The following PPM1D variants were observed in gnomAD, a reference collection of about 807,000 sequenced individuals.
PPM1D encodes protein phosphatase, Mg2+/Mn2+ dependent 1D.
Under a neutral mutation model 58.3 loss-of-function variants are expected in PPM1D, and 52 were observed. The observed-to-expected ratio is 0.89, with a 90% CI of 0.71 to 1.12. The LOEUF is 1.12. PPM1D is among the 50% of genes most tolerant of loss of function. PPM1D has a pLI of 0.00. For missense variants in PPM1D, 564 were observed against 777.2 expected, an observed-to-expected ratio of 0.73 and a Z score of 3.26; for synonymous variants, 278 against 285.1, an observed-to-expected ratio of 0.98 and a Z score of 0.25.
intron 3 of PPM1D, among the ~76,000 whole-genome samples, chr17:60,641,090 C>A (rs1343022928): frequency 6.6e-6 from 1 of 152,012 alleles, no homozygotes; most frequent in African/African-American, 2.4e-5. Context: ...TTTTGTAGAG[C>A]GATTTATTTT....
chr17:60,665,002 A>G lies in PPM1D; in HGVS notation c.*1450A>G, dbSNP rs1598416279. ...TTTTTTTTTTTTTGAGATGGAGTCTAGCTCTGTCATCCAGGCTGGAGTGCA... is the reference window on the plus strand; with the variant it reads ...TTTTTTTTTTTTTGAGATGGAGTCTGGCTCTGTCATCCAGGCTGGAGTGCA... On this transcript the variant is annotated 3_prime_UTR_variant, in exon 6 of 6. Transcript: ENST00000305921. 1.5e-5 allele frequency: 2 copies of G among 133,636 alleles called. No homozygotes were observed. The highest frequency in any genetic ancestry group is 4.7e-4 in the South Asian group (2 of 4,270). The allele number at this position is 133,636 out of a possible 1,614,324, so 8.3% of individuals were successfully genotyped here. A position where few individuals can be genotyped will look rare whatever the true frequency, so the allele number is the denominator to read the frequency against.
At chr17:60,650,287 A>G (rs2031318981) in intron 4 of PPM1D, among the ~76,000 whole-genome samples, 1 of 152,226 alleles carries the variant, frequency 6.6e-6, no homozygotes, top group African/African-American at 2.4e-5. Flanking sequence ...GCAGTGGCTC[A>G]AGCCTGTAAT....
chr17:60,645,500 ATATATATATGTG>A (rs1423027566), intron 3 of PPM1D, among the ~76,000 whole-genome samples: 7 of 123,316 alleles, frequency 5.7e-5, no homozygotes, highest in East Asian at 2.4e-4. Flanking sequence ...GTGTATGTGT[ATATATATATGTG>A]TATATATATG....
chr17:60,644,346 G>A (rs975820852), intron 3 of PPM1D, among the ~76,000 whole-genome samples: 7 of 151,648 alleles, frequency 4.6e-5, no homozygotes, highest in East Asian at 3.9e-4. Flanking sequence ...GTGTTGCCCC[G>A]GCTGGTCTCG....
At chr17:60,632,369 T>C (rs899905156) in intron 2 of PPM1D, among the ~76,000 whole-genome samples, 2 of 152,096 alleles carry the variant, frequency 1.3e-5, no homozygotes, top group East Asian at 1.9e-4. Context: ...CCTAAATATA[T>C]AGTATTTTCT....
chr17:60,660,676 G>A (rs1244177548), intron 5 of PPM1D, among the ~76,000 whole-genome samples: 5 of 151,790 alleles, frequency 3.3e-5, no homozygotes, highest in African/African-American at 7.3e-5. Context: ...TGGGAGAATC[G>A]CTTGAACCCG....
At chr17:60,642,432 C>T (rs540059692) in intron 3 of PPM1D, among the ~76,000 whole-genome samples, 5 of 150,748 alleles carry the variant, frequency 3.3e-5, no homozygotes, top group South Asian at 4.2e-4. Flanking sequence ...TAGCCACCCC[C>T]GCCCACAGCA....
intron 3 of PPM1D, among the ~76,000 whole-genome samples, chr17:60,641,601 G>A (rs1035211723): frequency 6.6e-5 from 10 of 152,138 alleles, no homozygotes; most frequent in African/African-American, 2.2e-4. Context: ...GGTCCTACTT[G>A]TCAATTTTTG....
rs759152880 is a variant in PPM1D at position 60,623,732 on chromosome 17, C to T, written c.684C>T (p.Ile228=). ...KPELPKERER[I]EGLGGSVMNK... ...AACTTCCCAAGGAAAGAGAACGAAT[C>T]GAAGGACTTGGTGGGAGGTAACATT... Residue 228 remains isoleucine, a synonymous_variant, in exon 2 of 6, where the codon ATC becomes ATT. Coordinates refer to ENST00000305921, the MANE Select transcript of PPM1D (RefSeq NM_003620.4). The T allele has an allele frequency of 5.0e-6, 8 of 1,614,132 alleles. No homozygotes were observed. Among genetic ancestry groups the T allele is most frequent in the Non-Finnish European group, 6.8e-6 (8 of 1,179,990 alleles).
Position 60,614,064 on chromosome 17 carries a change from C to G in PPM1D, c.473-9457C>G, listed in dbSNP as rs373786323. ...CTGGCAGGCAGCTCCACCTGCGGCCCCGGTGCGGGATCCACTGCAAAGCCA... is the reference window on the plus strand; with the variant it reads ...CTGGCAGGCAGCTCCACCTGCGGCCGCGGTGCGGGATCCACTGCAAAGCCA... On this transcript the variant is annotated intron_variant, in intron 1 of 5. Coordinates refer to ENST00000305921, the MANE Select transcript of PPM1D (RefSeq NM_003620.4). Among the ~76,000 whole-genome samples, 24 of 136,474 alleles carry G rather than the reference C, an allele frequency of 1.8e-4. No homozygotes were observed. The East Asian group carries it at 4.9e-3, about 28-fold the overall frequency. The allele number at this position is 136,474 out of a possible 152,430, so 89.5% of individuals were successfully genotyped here.
intron 1 of PPM1D, among the ~76,000 whole-genome samples, chr17:60,606,030 A>G (rs898677901): frequency 1.1e-4 from 17 of 152,322 alleles, no homozygotes; most frequent in African/African-American, 3.4e-4. Context: ...CATCAGCCCA[A>G]ATAGAAACTC....
At chr17:60,651,715 GTTT>G (rs2031347062) in intron 4 of PPM1D, among the ~76,000 whole-genome samples, 1 of 151,942 alleles carries the variant, frequency 6.6e-6, no homozygotes, top group Admixed American at 6.6e-5. Flanking sequence ...AGCCGACAGT[GTTT>G]TTTATTTCGT....
chr17:60,635,876 T>C (rs893702327), intron 3 of PPM1D, among the ~76,000 whole-genome samples: 1 of 152,232 alleles, frequency 6.6e-6, no homozygotes, highest in African/African-American at 2.4e-5. Flanking sequence ...CTTAGGAGTT[T>C]AAAACATTTT....
At chr17:60,635,937 G>A (rs2031015627) in intron 3 of PPM1D, among the ~76,000 whole-genome samples, 1 of 152,166 alleles carries the variant, frequency 6.6e-6, no homozygotes, top group South Asian at 2.1e-4. Flanking sequence ...TTAACTGGAT[G>A]GTTCTGGCTC....
chr17:60,662,936 A>T, intron 5 of PPM1D, 59 bp from the exon 6 acceptor site: 3 of 1,466,464 alleles, frequency 2.0e-6, no homozygotes, highest in Middle Eastern at 1.9e-4. Context: ...TCACATGCAT[A>T]GATTTGTTGA....
intron 3 of PPM1D, among the ~76,000 whole-genome samples, chr17:60,639,691 G>C (rs1181936066): frequency 6.6e-6 from 1 of 152,162 alleles, no homozygotes; most frequent in Admixed American, 6.5e-5. Context: ...GCCTGCCTCG[G>C]GTTCCCAAAG....
chr17:60,651,953 C>T (rs1012976787), intron 4 of PPM1D, among the ~76,000 whole-genome samples: 1 of 152,226 alleles, frequency 6.6e-6, no homozygotes, highest in Non-Finnish European at 1.5e-5. Context: ...TTGATTGTTT[C>T]TAGTTCAAGA....
chr17:60,610,208 G>A (rs1293599035), intron 1 of PPM1D, among the ~76,000 whole-genome samples: 1 of 151,522 alleles, frequency 6.6e-6, no homozygotes, highest in Non-Finnish European at 1.5e-5. Context: ...ATGTATGTAC[G>A]TATAGGAAAA....
chr17:60,632,608 C>T (rs2030945073), intron 2 of PPM1D, among the ~76,000 whole-genome samples: 1 of 151,956 alleles, frequency 6.6e-6, no homozygotes, highest in Admixed American at 6.6e-5. Context: ...ACCTGTAATC[C>T]CAGCACTTTG....
Sources: allele counts gnomAD v4.1 joint callset (sites outside exome capture counted in the v4.1 genomes callset), GRCh38; gene constraint gnomAD v4.1.1; transcripts MANE v1.5; gene names NCBI Gene and HGNC (gene_info 2026-07-23, HGNC 2026-07-21).